The following MRPS27 variants were observed in gnomAD, a reference collection of about 807,000 sequenced individuals.
MRPS27 encodes small ribosomal subunit protein mS27.
A neutral mutation model predicts 48.9 loss-of-function variants in MRPS27; 43 were observed. The ratio of observed to expected loss-of-function variants is 0.88; its 90% CI spans 0.69 to 1.13. The LOEUF (loss-of-function observed/expected upper bound fraction) is 1.13. Ranked by LOEUF, MRPS27 falls within the 50% of genes most tolerant of loss-of-function variation. The pLI, the probability that MRPS27 is intolerant of heterozygous loss-of-function variation, is 0.00. For missense variants in MRPS27, 467 were observed against 476.3 expected (o/e 0.98, Z 0.18); for synonymous variants, 188 against 171.9 (o/e 1.09, Z -0.73).
chr5:72,313,970 G>C, intron 2 of MRPS27, 111 bp downstream of exon 2: 1 of 790,394 alleles, frequency 1.3e-6, no homozygotes, highest in South Asian at 2.1e-5. Flanking sequence ...ATGCTTATCT[G>C]AATTGAAACA....
chr5:72,297,109 G>T (rs1201873916), intron 3 of MRPS27, among the ~76,000 whole-genome samples: 1 of 152,086 alleles, frequency 6.6e-6, no homozygotes, highest in African/African-American at 2.4e-5. Flanking sequence ...GGAGCAGTGA[G>T]AATTAAAAAA....
chr5:72,299,624 A>C (rs886310512), intron 2 of MRPS27, among the ~76,000 whole-genome samples: 1 of 152,256 alleles, frequency 6.6e-6, no homozygotes, highest in African/African-American at 2.4e-5. Flanking sequence ...GGTTATCCTT[A>C]ATGATTTTTG....
intron 4 of MRPS27, among the ~76,000 whole-genome samples, chr5:72,247,901 T>C (rs1038092941): frequency 6.6e-6 from 1 of 151,932 alleles, no homozygotes; most frequent in South Asian, 2.1e-4. Context: ...TACTTGACAG[T>C]TTTTGGAACA....
chr5:72,256,339 A>G (rs1313251386), intron 4 of MRPS27, among the ~76,000 whole-genome samples: 1 of 152,242 alleles, frequency 6.6e-6, no homozygotes, highest in Non-Finnish European at 1.5e-5. Flanking sequence ...TTAAATACTT[A>G]TATGTATTAA....
intron 4 of MRPS27, among the ~76,000 whole-genome samples, chr5:72,270,801 G>A (rs1749221555): frequency 1.3e-5 from 2 of 151,950 alleles, no homozygotes; most frequent in South Asian, 2.1e-4. Flanking sequence ...TACACTCTTG[G>A]GAATTCATCC....
At chr5:72,252,647 A>G (rs545862321) in intron 4 of MRPS27, among the ~76,000 whole-genome samples, 1 of 152,364 alleles carries the variant, frequency 6.6e-6, no homozygotes, top group East Asian at 1.9e-4. Flanking sequence ...GTTGAGCACC[A>G]GAAGTAGGTG....
At chr5:72,260,538 C>T (rs1489631003) in intron 4 of MRPS27, among the ~76,000 whole-genome samples, 1 of 152,138 alleles carries the variant, frequency 6.6e-6, no homozygotes, top group Non-Finnish European at 1.5e-5. Flanking sequence ...AAACATGTAA[C>T]ATAGAAAAGT....
At chr5:72,267,683 C>T (rs1411691976) in intron 4 of MRPS27, among the ~76,000 whole-genome samples, 1 of 152,086 alleles carries the variant, frequency 6.6e-6, no homozygotes, top group East Asian at 1.9e-4. Flanking sequence ...AAAAAGTACA[C>T]CTTAGTTGGT....
chr5:72,294,622 C>T (rs1012590456), intron 4 of MRPS27: 11 of 152,120 alleles, frequency 7.2e-5, no homozygotes, highest in Non-Finnish European at 1.6e-4. Flanking sequence ...AATGATGTTG[C>T]ACTGAACATA....
Position 72,226,143 on chromosome 5 carries a change from A to C in MRPS27, c.751T>G (p.Trp251Gly), listed in dbSNP as rs1358121268. The change falls in exon 9 of 11, where the codon TGG becomes GGG. Residue 251 changes from tryptophan (W) to glycine (G), a missense_variant. Coordinates refer to ENST00000261413, the MANE Select transcript of MRPS27 (RefSeq NM_015084.3). ...GCTCTGTCAAGGTAGCCTGGTTTCC[A>C]TATCAGAGGCATGTTGTGGTACACA... ...RAVYHNMPLIWKPGYLDRALQ... is the reference protein window; with the variant it reads ...RAVYHNMPLIGKPGYLDRALQ... 2 of 1,613,878 alleles carry C rather than the reference A, an allele frequency of 1.2e-6. No individual in the cohort carries two copies. Among genetic ancestry groups the C allele is most frequent in the Admixed American group, 1.7e-5 (1 of 59,990 alleles).
At chr5:72,261,403 A>G (rs1748970656) in intron 4 of MRPS27, among the ~76,000 whole-genome samples, 1 of 152,034 alleles carries the variant, frequency 6.6e-6, no homozygotes, top group African/African-American at 2.4e-5. Flanking sequence ...AGACGCCACC[A>G]CATGCCTGGG....
intron 5 of MRPS27, among the ~76,000 whole-genome samples, chr5:72,236,250 T>C (rs1247587800): frequency 6.6e-6 from 1 of 152,120 alleles, no homozygotes; most frequent in African/African-American, 2.4e-5. Context: ...GGCAAACATC[T>C]ACAATTTTTA....
At chr5:72,254,710 T>G (rs1748751045) in intron 4 of MRPS27, among the ~76,000 whole-genome samples, 1 of 152,168 alleles carries the variant, frequency 6.6e-6, no homozygotes, top group Non-Finnish European at 1.5e-5. Flanking sequence ...TTTTCCTTCC[T>G]TGCAAATGCC....
At chr5:72,252,336 T>C (rs866579830) in intron 4 of MRPS27, among the ~76,000 whole-genome samples, 98 of 152,348 alleles carry the variant, frequency 6.4e-4, no homozygotes, top group African/African-American at 2.2e-3. Context: ...TTGCTTTTTT[T>C]TTCTGAGCAT....
Position 72,274,570 on chromosome 5 carries a change from T to C in MRPS27, c.281+20961A>G, listed in dbSNP as rs1221770789. Among the ~76,000 whole-genome samples, 5 of 152,180 alleles carry C rather than the reference T, an allele frequency of 3.3e-5. No individual in the cohort carries two copies. In the East Asian group the frequency reaches 7.7e-4, roughly 23 times the overall value. On this transcript the variant is annotated intron_variant, in intron 4 of 10. Coordinates refer to ENST00000261413, the MANE Select transcript of MRPS27 (RefSeq NM_015084.3). ...GCCTGAGGCTGTTGAAAGTTAACTT[T>C]CTTTTTCATAAGTAGGAGTACACTC...
chr5:72,313,260 G>A (rs1450557922), intron 2 of MRPS27, among the ~76,000 whole-genome samples: 1 of 152,082 alleles, frequency 6.6e-6, no homozygotes, highest in Non-Finnish European at 1.5e-5. Flanking sequence ...GCACTTATGG[G>A]AAAAATCCAT....
At chr5:72,276,277 C>A (rs572514646) in intron 4 of MRPS27, among the ~76,000 whole-genome samples, 1 of 152,002 alleles carries the variant, frequency 6.6e-6, no homozygotes, top group African/African-American at 2.4e-5. Flanking sequence ...TACAACCATC[C>A]GATCTTTGAC....
Position 72,232,504 on chromosome 5 carries a change from G to C in MRPS27, c.530C>G (p.Ser177Cys). ...VMMQEAFEVP[S>C]TQLLSLYVLF... ...AACATAGAGGGAGAGAAGTTGGGTG[G>C]AAGGCACTTCAAAGGCTTCTTGCAT... The change falls in exon 7 of 11, where the codon TCC becomes TGC. Residue 177 changes from serine (S) to cysteine (C), a missense_variant. Ser to Cys is a moderately radical substitution (Grantham distance 112, BLOSUM62 -1). Coordinates refer to ENST00000261413, the MANE Select transcript of MRPS27 (RefSeq NM_015084.3). 1 of 1,612,816 alleles carries C rather than the reference G, an allele frequency of 6.2e-7. No individual in the cohort carries two copies. Among genetic ancestry groups the C allele is most frequent in the Non-Finnish European group, 8.5e-7 (1 of 1,179,182 alleles).
chr5:72,265,746 T>C (rs1749092285), intron 4 of MRPS27, among the ~76,000 whole-genome samples: 2 of 152,194 alleles, frequency 1.3e-5, no homozygotes, highest in African/African-American at 4.8e-5. Flanking sequence ...GTTTTACAAC[T>C]GGGAATTGCA....
Sources: allele counts gnomAD v4.1 joint callset (sites outside exome capture counted in the v4.1 genomes callset), GRCh38; gene constraint gnomAD v4.1.1; transcripts MANE v1.5; gene names NCBI Gene and HGNC (gene_info 2026-07-23, HGNC 2026-07-21).